LDLRAP1: variants seen among roughly 807,000 people sequenced by gnomAD.
LDLRAP1 encodes low density lipoprotein receptor adapter protein 1.
In LDLRAP1, 30 loss-of-function variants were observed where a neutral mutation model predicts 37.8. That is an observed-to-expected ratio of 0.79 (90% confidence interval 0.59 to 1.08). The LOEUF is 1.08. LDLRAP1 is among the 50% of genes least tolerant of loss of function. The pLI is 0.00. For missense variants in LDLRAP1, 375 were observed against 401.6 expected, an observed-to-expected ratio of 0.93 and a Z score of 0.57; for synonymous variants, 156 against 169.8, an observed-to-expected ratio of 0.92 and a Z score of 0.63.
chr1:25,559,855 CGTCT>C (rs1287522900), intron 4 of LDLRAP1, among the ~76,000 whole-genome samples: 2 of 152,210 alleles, frequency 1.3e-5, no homozygotes, highest in African/African-American at 2.4e-5. Context: ...GGTTTGGCAC[CGTCT>C]GTCCTGGCCT....
chr1:25,565,266 C>T (rs2044448360), intron 8 of LDLRAP1, 59 bp downstream of exon 8: 1 of 1,585,992 alleles, frequency 6.3e-7, no homozygotes, highest in East Asian at 2.2e-5. Flanking sequence ...GGCCCTGCTG[C>T]CCTTTCTCCT....
chr1:25,563,173 G>A lies in LDLRAP1; in HGVS notation c.616+20G>A. ...AGAGCTGTGAGTCCTGACGGGGAAG[G>A]GGGATTGGCCATGCGGTGTTGGGGT... On this transcript the variant is annotated intron_variant, in intron 6 of 8. Transcript: ENST00000374338. 1 of 1,610,864 alleles carries A rather than the reference G, an allele frequency of 6.2e-7. No individual in the cohort carries two copies. Among genetic ancestry groups the A allele is most frequent in the Non-Finnish European group, 8.5e-7 (1 of 1,177,120 alleles).
downstream of LDLRAP1, among the ~76,000 whole-genome samples, chr1:25,571,370 AC>A (rs1470777260): frequency 6.6e-6 from 1 of 152,216 alleles, no homozygotes; most frequent in Non-Finnish European, 1.5e-5. Flanking sequence ...CCCCAGTGGC[AC>A]TGCTCAGCCT....
intron 1 of LDLRAP1, among the ~76,000 whole-genome samples, chr1:25,552,852 A>G (rs973474477): frequency 6.6e-6 from 1 of 151,946 alleles, no homozygotes; most frequent in Non-Finnish European, 1.5e-5. Flanking sequence ...ATTTCCTGAC[A>G]TTTGTGTGGT....
downstream of LDLRAP1, among the ~76,000 whole-genome samples, chr1:25,570,086 C>T (rs2044582858): frequency 6.6e-6 from 1 of 152,162 alleles, no homozygotes; most frequent in Admixed American, 6.5e-5. Context: ...CCCTTTGAAA[C>T]TGGTATTTTA....
chr1:25,570,205 T>C (rs1425955857), downstream of LDLRAP1, among the ~76,000 whole-genome samples: 1 of 152,218 alleles, frequency 6.6e-6, no homozygotes, highest in Non-Finnish European at 1.5e-5. Flanking sequence ...CTTCTTTCCC[T>C]CATAATCTGA....
At chr1:25,583,171 T>C in the LDLRAP1 span, among the ~76,000 whole-genome samples, 2 of 151,746 alleles carry the variant, frequency 1.3e-5, no homozygotes, top group South Asian at 4.2e-4. Flanking sequence ...AGGTGTTTTT[T>C]TTCCTTTGGC....
At chr1:25,587,821 G>A in the LDLRAP1 span, among the ~76,000 whole-genome samples, 1 of 152,170 alleles carries the variant, frequency 6.6e-6, no homozygotes, top group South Asian at 2.1e-4. Flanking sequence ...CCGCATATCA[G>A]TAACCTTATT....
chr1:25,571,655 G>A (rs189646506), downstream of LDLRAP1, among the ~76,000 whole-genome samples: 188 of 152,382 alleles, frequency 1.2e-3, no homozygotes, highest in Middle Eastern at 3.4e-3. Context: ...CTCAGAGCCA[G>A]TGTGTTCCCC....
the LDLRAP1 span, among the ~76,000 whole-genome samples, chr1:25,578,739 A>C: frequency 6.6e-6 from 1 of 151,782 alleles, no homozygotes; most frequent in African/African-American, 2.4e-5. Flanking sequence ...CTGGTCTCAG[A>C]CTCCTGAGAC....
chr1:25,569,366 C>G (rs1275200781), downstream of LDLRAP1, among the ~76,000 whole-genome samples: 1 of 152,168 alleles, frequency 6.6e-6, no homozygotes, highest in Admixed American at 6.5e-5. Context: ...AGGCGTGGCC[C>G]AGATGAACTC....
rs749789264 is a variant in LDLRAP1 at position 25,565,228 on chromosome 1, TG to T, written c.782+24del. 26 of 1,613,812 alleles carry T rather than the reference TG, an allele frequency of 1.6e-5. No homozygotes were observed. The African/African-American group carries it at 3.2e-4, about 20-fold the overall frequency. On this transcript the variant is annotated intron_variant, in intron 8 of 8. Transcript: ENST00000374338. Reference sequence around the variant, plus strand: ...TCGAGGTAATGCTAGCTTCCTGTGCTGGGTAGGGGGCCTGGTGTGCGTGGGC... The same window carrying T: ...TCGAGGTAATGCTAGCTTCCTGTGCTGGTAGGGGGCCTGGTGTGCGTGGGC...
At chr1:25,582,905 CTACTAAAAA>C in the LDLRAP1 span, among the ~76,000 whole-genome samples, 1 of 151,926 alleles carries the variant, frequency 6.6e-6, no homozygotes, top group Admixed American at 6.6e-5. Flanking sequence ...AACCCCGTCT[CTACTAAAAA>C]TACTAAAATT....
At chr1:25,564,166 C>T (rs1009417225) in intron 7 of LDLRAP1, 6 of 348,292 alleles carry the variant, frequency 1.7e-5, no homozygotes, top group African/African-American at 1.3e-4. Flanking sequence ...GGGCAGTCAC[C>T]AGCTTGGTCC....
At position 25,566,973 on chromosome 1, in the gene LDLRAP1, A is replaced by G. The variant is rs902563521; in HGVS notation, c.908A>G (p.Asp303Gly). The change falls in exon 9 of 9, where the codon GAT becomes GGT. Residue 303 changes from aspartate (D) to glycine (G), a missense_variant. Transcript: ENST00000374338. Reference sequence around the variant, plus strand: ...CCTGACAGCAGCGGCACAGAGCAGGATGACCTCTTCAGCTTCTGAGGGCCC... The same window carrying G: ...CCTGACAGCAGCGGCACAGAGCAGGGTGACCTCTTCAGCTTCTGAGGGCCC... ...DKPDSSGTEQDDLFSF is the reference protein window; with the variant it reads ...DKPDSSGTEQGDLFSF 1 of 1,613,342 alleles carries G rather than the reference A, an allele frequency of 6.2e-7. No homozygotes were observed. Among genetic ancestry groups the G allele is most frequent in the Non-Finnish European group, 8.5e-7 (1 of 1,180,030 alleles).
Position 25,563,048 on chromosome 1 carries a change from ATGT to A in LDLRAP1, c.533-18_533-16del, listed in dbSNP as rs755226762. On this transcript the variant is annotated intron_variant, in intron 5 of 8. Coordinates refer to ENST00000374338, the MANE Select transcript of LDLRAP1 (RefSeq NM_015627.3). ...GAGTGCTGGGGTCTGAGGCTCCAAC[ATGT>A]TGTGCCTTGGTCCTGCAGAGAAAGA... 1.7e-5 allele frequency: 28 copies of A among 1,611,080 alleles called. No homozygotes were observed. The highest frequency in any genetic ancestry group is 4.0e-5 in the African/African-American group (3 of 74,932).
rs533527945 is a variant in LDLRAP1, at chr1:25,563,766, C to A, written c.722C>A (p.Ala241Asp). 5 of 1,614,008 alleles carry A rather than the reference C, an allele frequency of 3.1e-6. No homozygotes were observed. The highest frequency in any genetic ancestry group is 3.4e-6 in the Non-Finnish European group (4 of 1,180,036). ...ATGGACGAGGTGCCGCGGCCACAAG[C>A]CTTGAGTGGCAGCAGTGTTGTCTGG... ...TNMDEVPRPQ[A>D]LSGSSVVWEL... Residue 241 changes from alanine (A) to aspartate (D), a missense_variant, in exon 7 of 9, where the codon GCC becomes GAC. Physicochemically the swap from Ala to Asp is moderately radical, Grantham distance 126. Coordinates refer to ENST00000374338, the MANE Select transcript of LDLRAP1 (RefSeq NM_015627.3).
the LDLRAP1 span, among the ~76,000 whole-genome samples, chr1:25,582,856 G>A: frequency 6.6e-6 from 1 of 151,820 alleles, no homozygotes; most frequent in South Asian, 2.1e-4. Flanking sequence ...CGGATTACCT[G>A]AGGTTAGAAG....
Position 25,543,618 on chromosome 1 carries a change from C to T in LDLRAP1, c.-81C>T, listed in dbSNP as rs555107740. 3.5e-4 allele frequency: 364 copies of T among 1,029,348 alleles called. 2 individuals are homozygous for T. The African/African-American group carries it at 5.4e-3, about 15-fold the overall frequency. 63.8% of individuals were successfully genotyped at this position (1,029,348 alleles called of 1,614,324 possible). ...CGCTGGGAGGGGAGGAGCGCGCAGCCCGCGCGCCGCAGGGCCGGGCGGAAA... is the reference window on the plus strand; with the variant it reads ...CGCTGGGAGGGGAGGAGCGCGCAGCTCGCGCGCCGCAGGGCCGGGCGGAAA... On this transcript the variant is annotated 5_prime_UTR_variant, in exon 1 of 9. Transcript: ENST00000374338.
Sources: allele counts gnomAD v4.1 joint callset (sites outside exome capture counted in the v4.1 genomes callset), GRCh38; gene constraint gnomAD v4.1.1; transcripts MANE v1.5; gene names NCBI Gene and HGNC (gene_info 2026-07-23, HGNC 2026-07-21).